The following DNM1 variants were observed in gnomAD, a reference collection of about 807,000 sequenced individuals.
The protein encoded by DNM1 is dynamin-1.
In DNM1, 29 loss-of-function variants were observed where a neutral mutation model predicts 104.6. The ratio of observed to expected loss-of-function variants is 0.28; its 90% CI spans 0.21 to 0.38. The LOEUF is 0.38. DNM1 is among the 10% of genes least tolerant of loss of function. The pLI is 1.00. For synonymous variants in DNM1, 445 were observed against 475.8 expected, an observed-to-expected ratio of 0.94 and a Z score of 0.84; for missense variants, 640 against 1,189.4, an observed-to-expected ratio of 0.54 and a Z score of 6.79.
rs377318865 is a variant in DNM1 at position 128,212,740 on chromosome 9, C to T, written c.162-5491C>T. Among the ~76,000 whole-genome samples, 17 of 152,308 alleles carry T rather than the reference C, an allele frequency of 1.1e-4. 1 individual carries two copies. Among genetic ancestry groups the T allele is most frequent in the Admixed American group, 7.2e-4 (11 of 15,300 alleles). The stretch of plus-strand genomic sequence containing the variant: ...TCACACAGCCATGCAAGAATCGATC[C>T]AAAGGCTGTAGATTTTCTTAAACAG... On this transcript the variant is annotated intron_variant, in intron 1 of 21. Coordinates refer to ENST00000372923, the MANE Select transcript of DNM1 (RefSeq NM_004408.4).
chr9:128,253,298 C>G lies in DNM1; in HGVS notation c.2535-1356C>G, dbSNP rs1829644926. The stretch of plus-strand genomic sequence containing the variant: ...CCTCTTTCTGTCCTTGTGCCGCTGG[C>G]TCTCTCACCTCCCTTCCCTGCGAGC... On this transcript the variant is annotated intron_variant, in intron 21 of 21. Transcript: ENST00000372923. This position sits in a 1 kb window ranked among gnomAD's most constrained non-coding sequence, Gnocchi z 5.9. 1 of 672,046 alleles carries G rather than the reference C, an allele frequency of 1.5e-6. No homozygotes were observed. Among genetic ancestry groups the G allele is most frequent in the Non-Finnish European group, 2.6e-6 (1 of 387,214 alleles). 41.6% of individuals were successfully genotyped at this position (672,046 alleles called of 1,614,324 possible).
At position 128,248,498 on chromosome 9, in the gene DNM1, C is replaced by A. The variant is rs1829306366; in HGVS notation, c.1906-85C>A. ...TCTCTGTGCCTCAATATTCTGGGTA[C>A]CCTTGGAGGGGCTGAGATCCTGGGG... On this transcript the variant is annotated intron_variant, in intron 18 of 21. Coordinates refer to ENST00000372923, the MANE Select transcript of DNM1 (RefSeq NM_004408.4). The surrounding 1 kb of genome is among the most constrained non-coding windows in gnomAD (Gnocchi z 5.6). The A allele has an allele frequency of 6.6e-7, 1 of 1,513,928 alleles. No homozygotes were observed. The highest frequency in any genetic ancestry group is 1.4e-5 in the African/African-American group (1 of 73,034). The allele number at this position is 1,513,928 out of a possible 1,614,324, so 93.8% of individuals were successfully genotyped here.
chr9:128,208,644 C>T (rs768126220), intron 1 of DNM1, among the ~76,000 whole-genome samples: 3 of 152,172 alleles, frequency 2.0e-5, no homozygotes, highest in African/African-American at 4.8e-5. Context: ...TTGCTGTGTG[C>T]CAGGCCCTGA....
In DNM1 at chr9:128,218,715, C is replaced by G. The variant is rs1329259731; in HGVS notation, c.369C>G (p.Arg123=). Residue 123 remains arginine (R), a synonymous_variant, in exon 3 of 22, where the codon CGC becomes CGG. Transcript: ENST00000372923. The surrounding 1 kb of genome is among the most constrained non-coding windows in gnomAD (Gnocchi z 4.8). ...TCTCGCCGGTGCCTATCAACCTCCG[C>G]GTCTACTCGCCGCACGGTGAGGACC... ...KGISPVPINL[R]VYSPHVLNLT... The G allele has an allele frequency of 1.2e-6, 2 of 1,603,480 alleles. No individual in the cohort carries two copies. Among genetic ancestry groups the G allele is most frequent in the South Asian group, 2.2e-5 (2 of 90,634 alleles).
intron 4 of DNM1, among the ~76,000 whole-genome samples, chr9:128,219,744 C>T (rs1336095128): frequency 6.6e-6 from 1 of 152,196 alleles, no homozygotes; most frequent in African/African-American, 2.4e-5. Context: ...GGGAGGATCG[C>T]TTGAAGCCAG....
At chr9:128,214,292 C>G (rs1187279979) in intron 1 of DNM1, among the ~76,000 whole-genome samples, 3 of 152,198 alleles carry the variant, frequency 2.0e-5, no homozygotes, top group Non-Finnish European at 4.4e-5. Flanking sequence ...ATAAGCCTCA[C>G]AGCAACCCAT....
intron 15 of DNM1, chr9:128,244,628 T>A (rs2131273871): frequency 2.8e-6 from 1 of 358,940 alleles, no homozygotes; most frequent in Non-Finnish European, 6.1e-6. Flanking sequence ...CTGTGCCTCC[T>A]CCCAGCCCGC....
Position 128,224,491 on chromosome 9 carries a change from T to A in DNM1, c.1335+102T>A. On this transcript the variant is annotated intron_variant, in intron 10 of 21. Transcript: ENST00000372923. This position sits in a 1 kb window ranked among gnomAD's most constrained non-coding sequence, Gnocchi z 4.3. ...CCCCCCCTGCCTCCTCGGTAGCATG[T>A]ACAGACCTCAGCGGGGTGGGGAGGC... 8.3e-7 allele frequency: 1 copy of A among 1,210,850 alleles called. No individual in the cohort carries two copies. Among genetic ancestry groups the A allele is most frequent in the Non-Finnish European group, 1.1e-6 (1 of 870,744 alleles). The allele number at this position is 1,210,850 out of a possible 1,614,324, so 75.0% of individuals were successfully genotyped here. A position where few individuals can be genotyped will look rare whatever the true frequency, so the allele number is the denominator to read the frequency against.
intron 11 of DNM1, 152 bp from the exon 12 acceptor site, chr9:128,239,293 C>G: frequency 1.5e-6 from 1 of 664,606 alleles, no homozygotes; most frequent in Non-Finnish European, 2.7e-6. Context: ...CCACCACGCT[C>G]AGCTTTTGTC....
chr9:128,228,141 A>C (rs1835456298), intron 10 of DNM1, among the ~76,000 whole-genome samples: 1 of 152,130 alleles, frequency 6.6e-6, no homozygotes, highest in African/African-American at 2.4e-5. Flanking sequence ...TCTCAGGTTC[A>C]AGCGATTCTC....
At chr9:128,223,102 G>A (rs574453877) in intron 9 of DNM1, 22 of 524,864 alleles carry the variant, frequency 4.2e-5, no homozygotes, top group Middle Eastern at 1.0e-3. Context: ...GCAGGTGGCC[G>A]GGGAAACACC....
chr9:128,210,421 GCA>G (rs1264112550), intron 1 of DNM1, among the ~76,000 whole-genome samples: 1 of 151,382 alleles, frequency 6.6e-6, no homozygotes, highest in Non-Finnish European at 1.5e-5. Context: ...GAGTGCAGTG[GCA>G]CAATCTCAGC....
chr9:128,245,810 G>GCA lies in DNM1; in HGVS notation c.1672-573_1672-572dup, dbSNP rs200017619. Among the ~76,000 whole-genome samples, 3 of 152,156 alleles carry GCA rather than the reference G, an allele frequency of 2.0e-5. No homozygotes were observed. Among genetic ancestry groups the GCA allele is most frequent in the African/African-American group, 4.8e-5 (2 of 41,424 alleles). On this transcript the variant is annotated intron_variant, in intron 15 of 21. Coordinates refer to ENST00000372923, the MANE Select transcript of DNM1 (RefSeq NM_004408.4). The surrounding 1 kb of genome is among the most constrained non-coding windows in gnomAD (Gnocchi z 5.2). ...TGGGCACCTCCCCAGATACACATGT[G>GCA]CACACACACACAATAGCTGATAGGA...
chr9:128,249,368 G>C (rs59747342), intron 19 of DNM1, among the ~76,000 whole-genome samples: 2 of 151,220 alleles, frequency 1.3e-5, no homozygotes, highest in Non-Finnish European at 3.0e-5. Context: ...AAAGAATAGC[G>C]GGGGTTGGCC....
rs539447183 is a variant in DNM1, at chr9:128,217,198, G to A, written c.162-1033G>A. On this transcript the variant is annotated intron_variant, in intron 1 of 21. Transcript: ENST00000372923. ...CTTCAAAGGCGGCTCGGTTCACAGG[G>A]GGCTGAAGGGCAGGGGAGTGTCACT... 2.5e-3 allele frequency among the ~76,000 whole-genome samples: 379 copies of A among 152,318 alleles called. 1 individual carries two copies. Among genetic ancestry groups the A allele is most frequent in the African/African-American group, 8.8e-3 (367 of 41,566 alleles).
chr9:128,204,817 A>C (rs1034338701), intron 1 of DNM1: 1 of 152,246 alleles, frequency 6.6e-6, no homozygotes, highest in Non-Finnish European at 1.5e-5. Context: ...AGAGGGAGGC[A>C]GGGGCCCTTG....
chr9:128,222,065 C>T lies in DNM1; in HGVS notation c.850-132C>T, dbSNP rs960196208. 9.3e-7 allele frequency: 1 copy of T among 1,078,650 alleles called. No individual in the cohort carries two copies. The highest frequency in any genetic ancestry group is 1.3e-6 in the Non-Finnish European group (1 of 756,792). 66.8% of individuals were successfully genotyped at this position (1,078,650 alleles called of 1,614,324 possible). On this transcript the variant is annotated intron_variant, in intron 6 of 21. Coordinates refer to ENST00000372923, the MANE Select transcript of DNM1 (RefSeq NM_004408.4). This position sits in a 1 kb window ranked among gnomAD's most constrained non-coding sequence, Gnocchi z 7.8. ...TATGAACCAGTTTTCTTGCTAGTGG[C>T]CCGGGCAGCAGTGGCAGGGCTGCCC...
At position 128,243,642 on chromosome 9, in the gene DNM1, C is replaced by T. The variant is rs1413723025; in HGVS notation, c.1671+1297C>T. 2.6e-5 allele frequency among the ~76,000 whole-genome samples: 4 copies of T among 152,152 alleles called. No homozygotes were observed. The highest frequency in any genetic ancestry group is 2.1e-4 in the South Asian group (1 of 4,834). On this transcript the variant is annotated intron_variant, in intron 15 of 21. Coordinates refer to ENST00000372923, the MANE Select transcript of DNM1 (RefSeq NM_004408.4). This position sits in a 1 kb window ranked among gnomAD's most constrained non-coding sequence, Gnocchi z 4.0. ...GTGCGGGTGGGGGGTGGCTTCCTGC[C>T]GGTCTCTCTGCAGGCTCCCTAGATG...
chr9:128,224,481 C>A lies in DNM1; in HGVS notation c.1335+92C>A. ...TTCCCCATGTCCCCCCCTGCCTCCT[C>A]GGTAGCATGTACAGACCTCAGCGGG... On this transcript the variant is annotated intron_variant, in intron 10 of 21. Transcript: ENST00000372923. This position sits in a 1 kb window ranked among gnomAD's most constrained non-coding sequence, Gnocchi z 4.3. 7.5e-7 allele frequency: 1 copy of A among 1,332,540 alleles called. No homozygotes were observed. Among genetic ancestry groups the A allele is most frequent in the Non-Finnish European group, 1.0e-6 (1 of 961,432 alleles). 82.5% of individuals were successfully genotyped at this position (1,332,540 alleles called of 1,614,324 possible).
Sources: allele counts gnomAD v4.1 joint callset (sites outside exome capture counted in the v4.1 genomes callset), GRCh38; gene constraint gnomAD v4.1.1; non-coding constraint Gnocchi (gnomAD v3.1); transcripts MANE v1.5; gene names NCBI Gene and HGNC (gene_info 2026-07-23, HGNC 2026-07-21).